Variants in USP43 observed in about 807,000 individuals in gnomAD.
USP43 encodes the protein ubiquitin specific peptidase 43.
USP43 carries 33 observed loss-of-function variants against 90.7 expected under a neutral mutation model. That is an observed-to-expected ratio of 0.36 (90% CI 0.28 to 0.49). USP43 has a LOEUF of 0.49. Ranked by LOEUF, USP43 falls within the 20% of genes least tolerant of loss-of-function variation. The pLI is 0.98. For missense variants in USP43, 1,274 were observed against 1,476.4 expected, an observed-to-expected ratio of 0.86 and a Z score of 2.25; for synonymous variants, 598 against 615.8, an observed-to-expected ratio of 0.97 and a Z score of 0.43.
chr17:9,672,631 C>T (rs8082031), intron 3 of USP43, among the ~76,000 whole-genome samples: 27,773 of 152,012 alleles, frequency 0.18, 2,676 homozygotes, highest in East Asian at 0.32. Flanking sequence ...GGAGGAGAGA[C>T]GCAGTGGCAG....
At chr17:9,697,821 T>A (rs1171099122) in intron 9 of USP43, among the ~76,000 whole-genome samples, 2 of 152,200 alleles carry the variant, frequency 1.3e-5, no homozygotes, top group Non-Finnish European at 2.9e-5. Flanking sequence ...GTCTTTTTGA[T>A]ACAATGATTT....
In USP43 at chr17:9,668,573, C is replaced by A. The variant is rs369747012; in HGVS notation, c.740+1822C>A. Among the ~76,000 whole-genome samples, 107 of 152,334 alleles carry A rather than the reference C, an allele frequency of 7.0e-4. No individual in the cohort carries two copies. In the South Asian group the frequency reaches 0.012, roughly 17 times the overall value. On this transcript the variant is annotated intron_variant, in intron 3 of 14. Coordinates refer to ENST00000285199, the MANE Select transcript of USP43 (RefSeq NM_153210.5). The stretch of plus-strand genomic sequence containing the variant: ...CTTGACAAGTTCTCTCACGCTCTGC[C>A]TCACCAGGGACAGGGACCCTGAAGA...
rs145502476 is a variant in USP43, at chr17:9,655,491, G to T, written c.505-912G>T. On this transcript the variant is annotated intron_variant, in intron 1 of 14. Coordinates refer to ENST00000285199, the MANE Select transcript of USP43 (RefSeq NM_153210.5). ...ATTGAATTATTGTTTTTTAGTATGTGCATATATTACTCTTTGCAATAAACT... is the reference window on the plus strand; with the variant it reads ...ATTGAATTATTGTTTTTTAGTATGTTCATATATTACTCTTTGCAATAAACT... Among the ~76,000 whole-genome samples, 515 of 152,286 alleles carry T rather than the reference G, an allele frequency of 3.4e-3. 3 individuals are homozygous for T. The highest frequency in any genetic ancestry group is 0.012 in the African/African-American group (487 of 41,544).
In USP43 at chr17:9,692,429, A is replaced by G. The variant is rs371076391; in HGVS notation, c.1354-698A>G. Among the ~76,000 whole-genome samples the G allele has an allele frequency of 3.3e-5, 5 of 152,260 alleles. No individual in the cohort carries two copies. In the East Asian group the frequency reaches 7.7e-4, roughly 24 times the overall value. On this transcript the variant is annotated intron_variant, in intron 8 of 14. Transcript: ENST00000285199. ...GTACCTCAGCGTTGTCTTGATTTGC[A>G]TTTCTCTAATGACTAATGATGTTGC...
At chr17:9,656,610 C>T in intron 2 of USP43, 76 bp downstream of exon 2, 2 of 1,486,166 alleles carry the variant, frequency 1.3e-6, no homozygotes, top group South Asian at 2.7e-5. Context: ...CTCCTCAAAA[C>T]TGAATCTTGA....
intron 12 of USP43, among the ~76,000 whole-genome samples, chr17:9,703,321 G>A (rs1259451085): frequency 6.6e-6 from 1 of 152,146 alleles, no homozygotes; most frequent in Non-Finnish European, 1.5e-5. Context: ...CTCACAGGGT[G>A]GCCCCACATA....
chr17:9,657,443 T>C (rs1224000175), intron 2 of USP43, among the ~76,000 whole-genome samples: 2 of 149,530 alleles, frequency 1.3e-5, no homozygotes, highest in East Asian at 3.9e-4. Flanking sequence ...GGAGGTGGAG[T>C]GAGCTGAGAA....
At chr17:9,707,428 C>CTT (rs1567676449) in intron 12 of USP43, among the ~76,000 whole-genome samples, 1 of 152,014 alleles carries the variant, frequency 6.6e-6, no homozygotes, top group Non-Finnish European at 1.5e-5. Context: ...GGGCGGACCA[C>CTT]GAGGTCAGGA....
At chr17:9,722,233 A>G (rs1332926948) in intron 14 of USP43, among the ~76,000 whole-genome samples, 1 of 152,126 alleles carries the variant, frequency 6.6e-6, no homozygotes, top group African/African-American at 2.4e-5. Context: ...AAGTTTAATA[A>G]TCCCACCCTT....
chr17:9,678,554 A>T (rs1018429197), intron 5 of USP43, among the ~76,000 whole-genome samples: 2 of 151,906 alleles, frequency 1.3e-5, no homozygotes, highest in African/African-American at 4.8e-5. Context: ...GTTGGCCAGG[A>T]TGATCTCGAT....
At chr17:9,690,130 T>C (rs911133041) in intron 8 of USP43, among the ~76,000 whole-genome samples, 1 of 152,118 alleles carries the variant, frequency 6.6e-6, no homozygotes, top group Non-Finnish European at 1.5e-5. Flanking sequence ...ACACGTCAGC[T>C]CCCACAGCCA....
intron 8 of USP43, among the ~76,000 whole-genome samples, chr17:9,692,803 T>C (rs1915034912): frequency 6.6e-6 from 1 of 152,222 alleles, no homozygotes; most frequent in Non-Finnish European, 1.5e-5. Flanking sequence ...AAAAATTAAT[T>C]AACATGATTG....
Position 9,702,883 on chromosome 17 carries a change from C to T in USP43, c.2011+1183C>T, listed in dbSNP as rs138864747. Among the ~76,000 whole-genome samples the T allele has an allele frequency of 8.9e-3, 1,361 of 152,286 alleles. 6 individuals are homozygous for T. Among genetic ancestry groups the T allele is most frequent in the African/African-American group, 0.014 (563 of 41,554 alleles). On this transcript the variant is annotated intron_variant, in intron 12 of 14. Transcript: ENST00000285199. ...TGAGGATGCAGTTACAGGCTGGGGA[C>T]CACCTGAGTGGACAGAGATGCGCTG...
chr17:9,721,346 G>C (rs1461685597), intron 14 of USP43, among the ~76,000 whole-genome samples: 1 of 151,962 alleles, frequency 6.6e-6, no homozygotes, highest in East Asian at 1.9e-4. Context: ...TTTCTTCTTT[G>C]ATCTAGAAGT....
chr17:9,645,989 C>T lies in USP43; in HGVS notation c.357C>T (p.Leu119=). The change falls in exon 1 of 15, where the codon CTC becomes CTT. Residue 119 remains leucine (L), a synonymous_variant. Transcript: ENST00000285199. The surrounding 1 kb of genome is among the most constrained non-coding windows in gnomAD (Gnocchi z 6.8). ...TCFMNAVVQC[L]SNTDLLAEFL... ...TCATGAACGCGGTGGTGCAGTGTCT[C>T]AGCAACACCGACCTGCTGGCCGAGT... is the stretch of plus-strand genomic sequence containing the variant. 1 of 1,486,590 alleles carries T rather than the reference C, an allele frequency of 6.7e-7. No individual in the cohort carries two copies. Among genetic ancestry groups the T allele is most frequent in the South Asian group, 1.3e-5 (1 of 76,332 alleles). 92.1% of individuals were successfully genotyped at this position (1,486,590 alleles called of 1,614,324 possible).
At chr17:9,662,791 T>G (rs1912735541) in intron 2 of USP43, among the ~76,000 whole-genome samples, 1 of 151,822 alleles carries the variant, frequency 6.6e-6, no homozygotes, top group Admixed American at 6.6e-5. Context: ...GTACCAGACA[T>G]GTTTCTAAGT....
intron 8 of USP43, among the ~76,000 whole-genome samples, chr17:9,691,966 C>T (rs1057364180): frequency 3.3e-5 from 5 of 150,966 alleles, no homozygotes; most frequent in South Asian, 2.1e-4. Context: ...GGCAAGAACC[C>T]GGGAGGCAGA....
intron 2 of USP43, among the ~76,000 whole-genome samples, chr17:9,666,008 TGA>T (rs1341307436): frequency 1.3e-5 from 2 of 152,060 alleles, no homozygotes; most frequent in African/African-American, 4.8e-5. Flanking sequence ...GTGAGAACTG[TGA>T]GAGAGTAAGC....
At chr17:9,676,364 ATCTT>A (rs527583367) in intron 4 of USP43, among the ~76,000 whole-genome samples, 222 of 152,076 alleles carry the variant, frequency 1.5e-3, no homozygotes, top group Admixed American at 3.5e-3. Context: ...TTGATCCATT[ATCTT>A]TCTTTCTTTC....
Sources: allele counts gnomAD v4.1 joint callset (sites outside exome capture counted in the v4.1 genomes callset), GRCh38; gene constraint gnomAD v4.1.1; non-coding constraint Gnocchi (gnomAD v3.1); transcripts MANE v1.5; gene names NCBI Gene and HGNC (gene_info 2026-07-23, HGNC 2026-07-21).